ATRN: variants seen among roughly 807,000 people sequenced by gnomAD.
The protein encoded by ATRN is attractin.
In ATRN, 54 loss-of-function variants were observed where a neutral mutation model predicts 178.7. That is an observed-to-expected ratio of 0.30 (90% CI 0.24 to 0.38). ATRN has a LOEUF of 0.38. ATRN is among the 10% of genes least tolerant of loss of function. ATRN has a pLI of 1.00. For synonymous variants in ATRN, 636 were observed against 663.0 expected, an observed-to-expected ratio of 0.96 and a Z score of 0.63; for missense variants, 1,443 against 1,815.1, an observed-to-expected ratio of 0.79 and a Z score of 3.73.
intron 1 of ATRN, among the ~76,000 whole-genome samples, chr20:3,506,596 G>A (rs951080964): frequency 1.1e-4 from 17 of 150,434 alleles, no homozygotes; most frequent in Admixed American, 2.0e-4. Flanking sequence ...CTGCACTCCA[G>A]CCTGGGTGAC....
chr20:3,490,483 T>C (rs1200306282), intron 1 of ATRN: 7 of 1,140,908 alleles, frequency 6.1e-6, no homozygotes, highest in African/African-American at 1.5e-5. Flanking sequence ...ATACTCTGCA[T>C]TCTTCCTTTC....
In ATRN at chr20:3,471,480, G is replaced by T. The variant is rs2084421866; in HGVS notation, c.373G>T (p.Val125Leu). 1.4e-6 allele frequency: 2 copies of T among 1,410,460 alleles called. No individual in the cohort carries two copies. The highest frequency in any genetic ancestry group is 9.2e-7 in the Non-Finnish European group (1 of 1,091,046). The allele number at this position is 1,410,460 out of a possible 1,614,324, so 87.4% of individuals were successfully genotyped here. A position where few individuals can be genotyped will look rare whatever the true frequency, so the allele number is the denominator to read the frequency against. The change falls in exon 1 of 29, where the codon GTG becomes TTG. Residue 125 changes from valine to leucine, a missense_variant. Val to Leu is a conservative substitution (Grantham distance 32, BLOSUM62 1). Around this residue, in one of 4 missense-constraint regions of ATRN, gnomAD observed 862 missense variants for 972.1 expected, o/e 0.89. Coordinates refer to ENST00000262919, the MANE Select transcript of ATRN (RefSeq NM_139321.3). ...TGQCVCPAGW[V>L]GEQCQHCGGR... ...CCAGTGCGTCTGCCCCGCCGGCTGG[G>T]TGGGCGAGCAATGCCAGCACTGCGG...
chr20:3,622,911 G>A (rs1235799272), intron 24 of ATRN, among the ~76,000 whole-genome samples: 1 of 152,236 alleles, frequency 6.6e-6, no homozygotes, highest in Non-Finnish European at 1.5e-5. Context: ...GGCGGGGGCT[G>A]CCCTGAGGAG....
At position 3,649,305 on chromosome 20, in the gene ATRN, A is replaced by T. The variant is rs1420488964; in HGVS notation, c.*2458A>T. On this transcript the variant is annotated 3_prime_UTR_variant, in exon 29 of 29. Coordinates refer to ENST00000262919, the MANE Select transcript of ATRN (RefSeq NM_139321.3). ...GACAACACTGACCTTGCACTTGTAC[A>T]TAACTATACAGTAGTGTCCAGAATG... 5 of 152,696 alleles carry T rather than the reference A, an allele frequency of 3.3e-5. No homozygotes were observed. The highest frequency in any genetic ancestry group is 2.0e-4 in the Admixed American group (3 of 15,292). The allele number at this position is 152,696 out of a possible 1,614,324, so 9.5% of individuals were successfully genotyped here.
intron 23 of ATRN, 87 bp from the exon 24 acceptor site, chr20:3,604,018 T>C (rs952996435): frequency 4.1e-5 from 46 of 1,131,846 alleles, no homozygotes; most frequent in Non-Finnish European, 4.8e-5. Flanking sequence ...TAAATGCTAT[T>C]GTCCTTATTA....
intron 1 of ATRN, among the ~76,000 whole-genome samples, chr20:3,530,207 G>A (rs1215314851): frequency 6.8e-6 from 1 of 147,060 alleles, no homozygotes; most frequent in Non-Finnish European, 1.5e-5. Flanking sequence ...GAGCAGGCAT[G>A]GTATGAGATT....
At chr20:3,571,633 T>TA (rs1255593804) in intron 11 of ATRN, among the ~76,000 whole-genome samples, 2 of 152,102 alleles carry the variant, frequency 1.3e-5, no homozygotes, top group Non-Finnish European at 2.9e-5. Context: ...GCATTTTTCT[T>TA]ACACTGAAAT....
chr20:3,499,529 T>A (rs113604831), intron 1 of ATRN, among the ~76,000 whole-genome samples: 2 of 151,644 alleles, frequency 1.3e-5, no homozygotes, highest in East Asian at 1.9e-4. Context: ...AAATAACACC[T>A]CATATCTACA....
chr20:3,584,034 C>A lies in ATRN; in HGVS notation c.2901C>A (p.Ser967=), dbSNP rs777802730. 1.9e-6 allele frequency: 3 copies of A among 1,614,148 alleles called. No homozygotes were observed. Among genetic ancestry groups the A allele is most frequent in the Non-Finnish European group, 2.5e-6 (3 of 1,180,000 alleles). Residue 967 remains serine (S), a synonymous_variant, in exon 17 of 29, where the codon TCC becomes TCA. Coordinates refer to ENST00000262919, the MANE Select transcript of ATRN (RefSeq NM_139321.3). ...TGGACTCCAATGCCTACGTGGCCTC[C>A]TTCCCTTTTGGCCAGTGTATGGAAT... ...QCVDSNAYVA[S]FPFGQCMEWY...
intron 6 of ATRN, among the ~76,000 whole-genome samples, chr20:3,552,877 A>G (rs1241789527): frequency 2.0e-5 from 3 of 152,170 alleles, no homozygotes; most frequent in Admixed American, 6.5e-5. Context: ...TCACCAGTAT[A>G]GCTGCTTACT....
chr20:3,516,360 A>C (rs1373178409), intron 1 of ATRN, among the ~76,000 whole-genome samples: 1 of 152,132 alleles, frequency 6.6e-6, no homozygotes, highest in Non-Finnish European at 1.5e-5. Context: ...CTCCAGGTTT[A>C]GAGTTGCCAT....
At chr20:3,514,624 C>G (rs536888390) in intron 1 of ATRN, among the ~76,000 whole-genome samples, 1 of 152,124 alleles carries the variant, frequency 6.6e-6, no homozygotes, top group South Asian at 2.1e-4. Flanking sequence ...AAATAGAATT[C>G]AATACGTTAA....
At chr20:3,641,322 G>A (rs1330753815) in intron 27 of ATRN, among the ~76,000 whole-genome samples, 29 of 152,086 alleles carry the variant, frequency 1.9e-4, no homozygotes, top group Non-Finnish European at 4.4e-5. Context: ...CGGGTGTGGT[G>A]GCTAACACCT....
chr20:3,530,388 C>T (rs112749688), intron 1 of ATRN, among the ~76,000 whole-genome samples: 15,116 of 150,516 alleles, frequency 0.1, 983 homozygotes, highest in African/African-American at 0.18. Context: ...CTCAGCCTCC[C>T]GAGTAGCTGG....
At chr20:3,578,844 A>T in intron 15 of ATRN, 72 bp downstream of exon 15, 1 of 1,419,630 alleles carries the variant, frequency 7.0e-7, no homozygotes, top group Non-Finnish European at 9.6e-7. Context: ...TGCAGCTTGC[A>T]TGTGGAAGGC....
chr20:3,475,555 C>T (rs533768722), intron 1 of ATRN, among the ~76,000 whole-genome samples: 93 of 152,316 alleles, frequency 6.1e-4, no homozygotes, highest in African/African-American at 2.1e-3. Context: ...GTACCACTTT[C>T]GTTCATTCTT....
At chr20:3,605,530 A>G (rs1046013681) in intron 24 of ATRN, among the ~76,000 whole-genome samples, 1 of 152,266 alleles carries the variant, frequency 6.6e-6, no homozygotes, top group Non-Finnish European at 1.5e-5. Context: ...GATAGACTGG[A>G]TAAAGAAAAT....
At chr20:3,611,159 G>T (rs2086758920) in intron 24 of ATRN, among the ~76,000 whole-genome samples, 1 of 152,130 alleles carries the variant, frequency 6.6e-6, no homozygotes, top group African/African-American at 2.4e-5. Flanking sequence ...TACTAAAAAC[G>T]TGATTCATAA....
At chr20:3,618,974 G>A (rs2146310502) in intron 24 of ATRN, among the ~76,000 whole-genome samples, 1 of 152,366 alleles carries the variant, frequency 6.6e-6, no homozygotes. Context: ...CCTTTGCAAA[G>A]CCAAGAAGAG....
Sources: allele counts gnomAD v4.1 joint callset (sites outside exome capture counted in the v4.1 genomes callset), GRCh38; gene constraint gnomAD v4.1.1; regional missense constraint gnomAD v4.1.1; transcripts MANE v1.5; gene names NCBI Gene and HGNC (gene_info 2026-07-23, HGNC 2026-07-21).